Variants in WEE2 observed in about 807,000 individuals in gnomAD.
WEE2 encodes the protein wee1-like protein kinase 2.
Under a neutral mutation model 60.1 loss-of-function variants are expected in WEE2, and 50 were observed. The observed-to-expected ratio is 0.83, with a 90% CI of 0.66 to 1.05. The LOEUF (loss-of-function observed/expected upper bound fraction) is 1.05, where lower values mean the gene tolerates loss of function less well. Ranked by LOEUF, WEE2 falls within the 50% of genes least tolerant of loss-of-function variation. WEE2 has a pLI of 0.00. For missense variants in WEE2, 631 were observed against 684.3 expected, an observed-to-expected ratio of 0.92 and a Z score of 0.87; for synonymous variants, 240 against 241.0, an observed-to-expected ratio of 1.00 and a Z score of 0.04.
rs747813124 is a variant in WEE2 at position 141,708,725 on chromosome 7, C to A, written c.-34C>A. The A allele has an allele frequency of 6.4e-7, 1 of 1,573,740 alleles. No individual in the cohort carries two copies. Among genetic ancestry groups the A allele is most frequent in the Admixed American group, 1.7e-5 (1 of 57,398 alleles). On this transcript the variant is annotated 5_prime_UTR_variant, in exon 1 of 12. Transcript: ENST00000397541. ...TTCACAGCGTTCCCTTCTGATAGAG[C>A]TTTTTGTCTGTGTTGTAAAGCTCTT...
Position 141,727,423 on chromosome 7 carries a change from G to T in WEE2, c.1512G>T (p.Lys504Asn). The change falls in exon 10 of 12, where the codon AAG becomes AAT. Residue 504 changes from lysine (K) to asparagine (N), a missense_variant. Physicochemically the swap from Lys to Asn is moderately conservative, Grantham distance 94 (BLOSUM62 0). Coordinates refer to ENST00000397541, the MANE Select transcript of WEE2 (RefSeq NM_001105558.1). ...TCCAACAGCAGCTGAATTTGGAAAA[G>T]TTCAAGACTGCCACACTGGAAAGGT... ...EELQQQLNLEKFKTATLEREL... is the reference protein window; with the variant it reads ...EELQQQLNLENFKTATLEREL... 6.2e-7 allele frequency: 1 copy of T among 1,614,162 alleles called. No individual in the cohort carries two copies. The highest frequency in any genetic ancestry group is 8.5e-7 in the Non-Finnish European group (1 of 1,180,038).
chr7:141,715,912 G>A (rs1798786240), intron 2 of WEE2, among the ~76,000 whole-genome samples: 1 of 152,186 alleles, frequency 6.6e-6, no homozygotes, highest in Non-Finnish European at 1.5e-5. Flanking sequence ...AGCACATGGT[G>A]TTTTACCTGC....
Position 141,708,876 on chromosome 7 carries a change from AC to A in WEE2, c.122del (p.Pro41GlnfsTer41). 6.2e-7 allele frequency: 1 copy of A among 1,614,184 alleles called. No homozygotes were observed. ...AGAAAGCAGGGAGGCTTCGAGCCAA[AC>A]CCCAGAGAAGGGTGAAGTGCAGGAT... ...VEESREASSQ[T>X]PEKGEVQDSE... On this transcript the variant is annotated frameshift_variant, in exon 1 of 12. Coordinates refer to ENST00000397541, the MANE Select transcript of WEE2 (RefSeq NM_001105558.1). LOFTEE classifies it high-confidence loss of function.
intron 11 of WEE2, among the ~76,000 whole-genome samples, chr7:141,730,060 AT>A (rs1479468066): frequency 6.6e-6 from 1 of 151,936 alleles, no homozygotes; most frequent in Non-Finnish European, 1.5e-5. Flanking sequence ...GTAAATAGAT[AT>A]CAGCTGTCCC....
intron 4 of WEE2, among the ~76,000 whole-genome samples, chr7:141,720,141 CTTTTTTTTTTTTTTTTT>C (rs571238574): frequency 1.9e-4 from 12 of 64,206 alleles, no homozygotes; most frequent in Middle Eastern, 0.014. Flanking sequence ...TAGAATTCCT[CTTTTTTTTTTTTTTTTT>C]TTTTTTTTTT....
intron 2 of WEE2, among the ~76,000 whole-genome samples, chr7:141,715,823 C>G (rs1049630067): frequency 6.6e-6 from 1 of 152,178 alleles, no homozygotes; most frequent in Non-Finnish European, 1.5e-5. Flanking sequence ...TATTTAACCT[C>G]TCTCTGTCTT....
intron 3 of WEE2, 86 bp from the exon 4 acceptor site, chr7:141,718,986 G>A: frequency 1.5e-6 from 2 of 1,329,190 alleles, no homozygotes; most frequent in Non-Finnish European, 1.0e-6. Context: ...AAAACTTGGA[G>A]CAACTTAGGA....
chr7:141,722,259 G>A (rs60034344), intron 5 of WEE2, among the ~76,000 whole-genome samples: 1 of 152,160 alleles, frequency 6.6e-6, no homozygotes, highest in Non-Finnish European at 1.5e-5. Flanking sequence ...ACAAAAATTA[G>A]CCAGGTGTGG....
intron 10 of WEE2, chr7:141,727,715 GA>G (rs573141580): frequency 5.1e-6 from 2 of 391,618 alleles, no homozygotes; most frequent in African/African-American, 4.1e-5. Flanking sequence ...TACCAGTAAA[GA>G]AAACTTAGGA....
chr7:141,729,967 A>G (rs6464452), intron 11 of WEE2, among the ~76,000 whole-genome samples: 96,208 of 147,870 alleles, frequency 0.65, 32,867 homozygotes, highest in African/African-American at 0.88. Flanking sequence ...CAGCCTGGGC[A>G]ACAGAGCGAG....
intron 4 of WEE2, 33 bp from the exon 5 acceptor site, chr7:141,720,902 G>A (rs1489009918): frequency 6.3e-7 from 1 of 1,599,694 alleles, no homozygotes. Context: ...CTTGATTGAT[G>A]TTTTTATTCC....
chr7:141,723,594 C>T (rs978545301), intron 6 of WEE2, among the ~76,000 whole-genome samples: 6 of 152,178 alleles, frequency 3.9e-5, no homozygotes, highest in Non-Finnish European at 8.8e-5. Flanking sequence ...GGGCTATACT[C>T]ATTCTAACTC....
intron 8 of WEE2, 104 bp downstream of exon 8, chr7:141,724,379 A>T: frequency 1.0e-6 from 1 of 977,864 alleles, no homozygotes; most frequent in Non-Finnish European, 1.5e-6. Flanking sequence ...TTATCATTAT[A>T]GTACCGCTCT....
intron 4 of WEE2, among the ~76,000 whole-genome samples, chr7:141,719,739 G>A (rs1329215726): frequency 6.6e-6 from 1 of 152,160 alleles, no homozygotes; most frequent in East Asian, 1.9e-4. Flanking sequence ...GTGAGCCACT[G>A]CACCTGGCCA....
In WEE2 at chr7:141,714,288, C is replaced by A. The variant is rs1305280614; in HGVS notation, c.422C>A (p.Ala141Asp). 1 of 1,613,920 alleles carries A rather than the reference C, an allele frequency of 6.2e-7. No individual in the cohort carries two copies. The highest frequency in any genetic ancestry group is 1.7e-5 in the Admixed American group (1 of 59,994). ...CCTAAGCATTTGAAGCTCACACCTGCTCCCCTCAAGGATGAGATGACCTCA... is the reference window on the plus strand; with the variant it reads ...CCTAAGCATTTGAAGCTCACACCTGATCCCCTCAAGGATGAGATGACCTCA... ...RGPKHLKLTPAPLKDEMTSLA... is the reference protein window; with the variant it reads ...RGPKHLKLTPDPLKDEMTSLA... The change falls in exon 2 of 12, where the codon GCT becomes GAT. Residue 141 changes from alanine to aspartate, a missense_variant. Coordinates refer to ENST00000397541, the MANE Select transcript of WEE2 (RefSeq NM_001105558.1).
At chr7:141,710,916 G>A (rs1441733239) in intron 1 of WEE2, among the ~76,000 whole-genome samples, 2 of 152,178 alleles carry the variant, frequency 1.3e-5, no homozygotes, top group Non-Finnish European at 2.9e-5. Flanking sequence ...GAAAAATCAT[G>A]ACCTTTGTAT....
intron 5 of WEE2, among the ~76,000 whole-genome samples, chr7:141,722,862 C>T (rs778517162): frequency 6.6e-5 from 10 of 152,208 alleles, no homozygotes; most frequent in Admixed American, 3.9e-4. Flanking sequence ...CTGTAATTCT[C>T]CTTTCCAACA....
Position 141,725,205 on chromosome 7 carries a change from TC to T in WEE2, c.1392+10del. The T allele has an allele frequency of 6.2e-7, 1 of 1,607,738 alleles. No homozygotes were observed. The highest frequency in any genetic ancestry group is 8.5e-7 in the Non-Finnish European group (1 of 1,177,648). ...TTTCCAGTCTGCTCAAGGTGATAGC[TC>T]TTACGAGATGAACAGAAGATGCAAT... On this transcript the variant is annotated intron_variant, in intron 9 of 11. Coordinates refer to ENST00000397541, the MANE Select transcript of WEE2 (RefSeq NM_001105558.1).
At chr7:141,718,536 G>C (rs1798847758) in intron 3 of WEE2, among the ~76,000 whole-genome samples, 1 of 152,012 alleles carries the variant, frequency 6.6e-6, no homozygotes, top group Non-Finnish European at 1.5e-5. Flanking sequence ...TGAGCACATA[G>C]TCTGAACTAA....
Sources: allele counts gnomAD v4.1 joint callset (sites outside exome capture counted in the v4.1 genomes callset), GRCh38; gene constraint gnomAD v4.1.1; transcripts MANE v1.5; gene names NCBI Gene and HGNC (gene_info 2026-07-23, HGNC 2026-07-21).